The following OPCML variants were observed in gnomAD, a reference collection of about 807,000 sequenced individuals.
The protein encoded by OPCML is opioid binding protein/cell adhesion molecule like.
OPCML carries 13 observed loss-of-function variants against 37.8 expected under a neutral mutation model. The ratio of observed to expected loss-of-function variants is 0.34; its 90% CI spans 0.22 to 0.55. OPCML has a LOEUF of 0.55. OPCML is among the 20% of genes least tolerant of loss of function. The pLI, the probability that OPCML is intolerant of heterozygous loss-of-function variation, is 0.91. For missense variants in OPCML, 341 were observed against 435.6 expected, an observed-to-expected ratio of 0.78 and a Z score of 1.93; for synonymous variants, 176 against 168.8, an observed-to-expected ratio of 1.04 and a Z score of -0.33.
In OPCML at chr11:133,409,261, T is replaced by C. The variant is rs538330749; in HGVS notation, c.61+123003A>G. Among the ~76,000 whole-genome samples the C allele has an allele frequency of 8.5e-5, 13 of 152,356 alleles. No individual in the cohort carries two copies. The South Asian group carries it at 2.7e-3, about 32-fold the overall frequency. Reference sequence around the variant, plus strand: ...GACAGCGCGACTCCAGAGCCTGAGCTGTGAACTTACGTCACCAAAGTACTG... The same window carrying C: ...GACAGCGCGACTCCAGAGCCTGAGCCGTGAACTTACGTCACCAAAGTACTG... On this transcript the variant is annotated intron_variant, in intron 1 of 7. Transcript: ENST00000524381.
At chr11:132,747,975 G>A (rs1012963759) in intron 2 of OPCML, among the ~76,000 whole-genome samples, 5 of 151,440 alleles carry the variant, frequency 3.3e-5, no homozygotes, top group African/African-American at 1.2e-4. Context: ...AAGAGTTTGT[G>A]TCATCCTACA....
rs556888703 is a variant in OPCML at position 132,554,163 on chromosome 11, C to A, written c.380-24977G>T. ...GATGAGACTGCTCCCCTCTTCCACT[C>A]TGACAGACAAATTATCAGGCAAATT... On this transcript the variant is annotated intron_variant, in intron 3 of 7. Transcript: ENST00000524381. Among the ~76,000 whole-genome samples, 17 of 152,346 alleles carry A rather than the reference C, an allele frequency of 1.1e-4. 1 individual carries two copies. In the Middle Eastern group the frequency reaches 0.014, roughly 122 times the overall value.
intron 1 of OPCML, among the ~76,000 whole-genome samples, chr11:133,402,719 A>T (rs1341392358): frequency 6.6e-6 from 1 of 152,210 alleles, no homozygotes; most frequent in Non-Finnish European, 1.5e-5. Flanking sequence ...GTCCCCACAC[A>T]GCTCAGGCTT....
intron 1 of OPCML, among the ~76,000 whole-genome samples, chr11:133,458,614 CAT>C (rs1405038734): frequency 8.3e-6 from 1 of 120,618 alleles, no homozygotes; most frequent in Non-Finnish European, 1.5e-5. Flanking sequence ...TGTGTATACA[CAT>C]ATATACACGT....
At chr11:133,507,287 G>A (rs1013153865) in intron 1 of OPCML, among the ~76,000 whole-genome samples, 10 of 152,184 alleles carry the variant, frequency 6.6e-5, no homozygotes, top group African/African-American at 2.2e-4. Flanking sequence ...GCAGGAGGAT[G>A]GGACACAGTG....
chr11:133,397,383 C>T (rs1008722506), intron 1 of OPCML, among the ~76,000 whole-genome samples: 1 of 152,174 alleles, frequency 6.6e-6, no homozygotes, highest in Non-Finnish European at 1.5e-5. Context: ...ATTTGTTTCA[C>T]TTTATTACAT....
rs370817265 is a variant in OPCML at position 132,949,541 on chromosome 11, C to T, written c.62-6531G>A. On this transcript the variant is annotated intron_variant, in intron 1 of 7. Transcript: ENST00000524381. ...ACCAGTATCCTGGGCTGTGAAAACT[C>T]TCTTGCTTGTGGCAGGACATTATCT... Among the ~76,000 whole-genome samples, 11 of 152,318 alleles carry T rather than the reference C, an allele frequency of 7.2e-5. No individual in the cohort carries two copies. The East Asian group carries it at 1.7e-3, about 24-fold the overall frequency.
chr11:132,788,682 T>C (rs1363972878), intron 2 of OPCML, among the ~76,000 whole-genome samples: 1 of 152,200 alleles, frequency 6.6e-6, no homozygotes, highest in East Asian at 1.9e-4. Flanking sequence ...TATTAACTTA[T>C]AGAACAACAA....
At chr11:132,691,693 G>C (rs1943410846) in intron 2 of OPCML, among the ~76,000 whole-genome samples, 1 of 152,080 alleles carries the variant, frequency 6.6e-6, no homozygotes, top group East Asian at 1.9e-4. Context: ...CTATTAAATG[G>C]AGAACAAAAA....
intron 2 of OPCML, among the ~76,000 whole-genome samples, chr11:132,868,000 T>A (rs1020518249): frequency 6.6e-6 from 1 of 152,216 alleles, no homozygotes; most frequent in Non-Finnish European, 1.5e-5. Flanking sequence ...CAAGCCAATC[T>A]TATTTGTTAA....
intron 2 of OPCML, among the ~76,000 whole-genome samples, chr11:132,915,653 C>T (rs1419087143): frequency 6.6e-6 from 1 of 152,216 alleles, no homozygotes; most frequent in East Asian, 1.9e-4. Flanking sequence ...CTCAGTGACA[C>T]AAACTGTTTT....
chr11:133,161,297 G>A (rs561386833), intron 1 of OPCML, among the ~76,000 whole-genome samples: 1 of 152,352 alleles, frequency 6.6e-6, no homozygotes, highest in East Asian at 1.9e-4. Context: ...GAGATATCGA[G>A]TGGCATGAGT....
intron 1 of OPCML, among the ~76,000 whole-genome samples, chr11:133,256,127 G>A (rs1373671449): frequency 2.0e-5 from 3 of 152,174 alleles, no homozygotes; most frequent in Non-Finnish European, 4.4e-5. Flanking sequence ...GTTTTCCAAA[G>A]TTTAGGAGTC....
chr11:132,722,125 T>G (rs1316770896), intron 2 of OPCML, among the ~76,000 whole-genome samples: 1 of 151,684 alleles, frequency 6.6e-6, no homozygotes, highest in African/African-American at 2.4e-5. Context: ...CTGGCTAATT[T>G]TTTGTATTTT....
intron 2 of OPCML, among the ~76,000 whole-genome samples, chr11:132,694,049 T>C (rs1943507498): frequency 6.6e-6 from 1 of 152,132 alleles, no homozygotes; most frequent in Admixed American, 6.6e-5. Context: ...TGAGAGAGGC[T>C]CTGATTTCAT....
chr11:133,525,505 G>A (rs1948471958), intron 1 of OPCML, among the ~76,000 whole-genome samples: 1 of 152,332 alleles, frequency 6.6e-6, no homozygotes, highest in Middle Eastern at 3.4e-3. Flanking sequence ...TCAACCGGAA[G>A]TCTACATAGG....
At chr11:133,175,809 C>G (rs1950364487) in intron 1 of OPCML, among the ~76,000 whole-genome samples, 2 of 152,020 alleles carry the variant, frequency 1.3e-5, no homozygotes, top group Admixed American at 1.3e-4. Flanking sequence ...TGCTGTGAAC[C>G]TCAGTGAAAC....
chr11:133,490,954 G>A lies in OPCML; in HGVS notation c.61+41310C>T, dbSNP rs1328546499. ...ATCTCTTCTCACTAGAATGGAAGCT[G>A]CATGAAGGCAGAATTGCTAAGTGTC... On this transcript the variant is annotated intron_variant, in intron 1 of 7. Transcript: ENST00000524381. Among the ~76,000 whole-genome samples, 3 of 152,234 alleles carry A rather than the reference G, an allele frequency of 2.0e-5. No individual in the cohort carries two copies. The East Asian group carries it at 5.8e-4, about 29-fold the overall frequency.
At chr11:132,925,939 T>G (rs575995396) in intron 2 of OPCML, among the ~76,000 whole-genome samples, 5 of 152,306 alleles carry the variant, frequency 3.3e-5, no homozygotes, top group Admixed American at 2.0e-4. Flanking sequence ...AGTCTCTCCT[T>G]TCTGTTGCTA....
Sources: allele counts gnomAD v4.1 joint callset (sites outside exome capture counted in the v4.1 genomes callset), GRCh38; gene constraint gnomAD v4.1.1; transcripts MANE v1.5; gene names NCBI Gene and HGNC (gene_info 2026-07-23, HGNC 2026-07-21).